ASAP1: variants seen among roughly 807,000 people sequenced by gnomAD.
ASAP1 encodes arf-GAP with SH3 domain, ANK repeat and PH domain-containing protein 1.
In ASAP1, 43 loss-of-function variants were observed where a neutral mutation model predicts 145.2. That is an observed-to-expected ratio of 0.30 (90% CI 0.23 to 0.38). The LOEUF is 0.38. Ranked by LOEUF, ASAP1 falls within the 10% of genes least tolerant of loss-of-function variation. The pLI is 1.00. For missense variants in ASAP1, 1,018 were observed against 1,355.3 expected, an observed-to-expected ratio of 0.75 and a Z score of 3.91; for synonymous variants, 546 against 515.5, an observed-to-expected ratio of 1.06 and a Z score of -0.80.
intron 3 of ASAP1, among the ~76,000 whole-genome samples, chr8:130,263,028 A>G (rs1820033515): frequency 6.6e-6 from 1 of 152,262 alleles, no homozygotes; most frequent in African/African-American, 2.4e-5. Context: ...GGAAACAGAA[A>G]AAGATCCATC....
At chr8:130,409,154 T>C (rs11778593) in intron 1 of ASAP1, among the ~76,000 whole-genome samples, 5,206 of 151,996 alleles carry the variant, frequency 0.034, 123 homozygotes, top group Middle Eastern at 0.075. Context: ...CCCAGCTACT[T>C]GGGAGGCTGG....
At chr8:130,435,553 T>C (rs957403020) in intron 1 of ASAP1, among the ~76,000 whole-genome samples, 4 of 152,206 alleles carry the variant, frequency 2.6e-5, no homozygotes, top group African/African-American at 9.7e-5. Context: ...CAGTTCTTTC[T>C]CCAAAAAGGC....
At chr8:130,231,677 G>A (rs1817916259) in intron 4 of ASAP1, among the ~76,000 whole-genome samples, 1 of 152,208 alleles carries the variant, frequency 6.6e-6, no homozygotes, top group Admixed American at 6.5e-5. Flanking sequence ...GTGTGAGAAT[G>A]TATCTGCTCA....
chr8:130,076,864 G>C (rs554246955), intron 26 of ASAP1, among the ~76,000 whole-genome samples: 28 of 152,164 alleles, frequency 1.8e-4, no homozygotes, highest in South Asian at 4.2e-4. Flanking sequence ...CCATATTTCA[G>C]TTTGCCTGGC....
chr8:130,427,322 C>T (rs770097782), intron 1 of ASAP1, among the ~76,000 whole-genome samples: 35 of 152,196 alleles, frequency 2.3e-4, no homozygotes, highest in Non-Finnish European at 4.3e-4. Context: ...GGACTCAGCT[C>T]CTCTTGATAT....
At chr8:130,390,243 A>G (rs560285161) in intron 2 of ASAP1, among the ~76,000 whole-genome samples, 64 of 152,350 alleles carry the variant, frequency 4.2e-4, no homozygotes, top group African/African-American at 1.4e-3. Context: ...CTAAAATTAT[A>G]TGAACTTTAT....
At chr8:130,325,566 T>C (rs1824272190) in intron 3 of ASAP1, among the ~76,000 whole-genome samples, 1 of 152,260 alleles carries the variant, frequency 6.6e-6, no homozygotes, top group Non-Finnish European at 1.5e-5. Flanking sequence ...GATCAGCTAT[T>C]GTGCTGAGGA....
intron 9 of ASAP1, among the ~76,000 whole-genome samples, chr8:130,171,520 A>G (rs1251879792): frequency 2.6e-5 from 4 of 152,138 alleles, no homozygotes; most frequent in Non-Finnish European, 5.9e-5. Flanking sequence ...AGAGAACAGC[A>G]TGGGGGAAAC....
intron 18 of ASAP1, among the ~76,000 whole-genome samples, chr8:130,121,628 C>G (rs924058125): frequency 6.6e-6 from 1 of 151,506 alleles, no homozygotes; most frequent in African/African-American, 2.4e-5. Context: ...ACTAAAAATA[C>G]AAAAAACTAG....
intron 3 of ASAP1, among the ~76,000 whole-genome samples, chr8:130,286,012 T>C (rs1173059770): frequency 6.6e-6 from 1 of 152,248 alleles, no homozygotes; most frequent in Non-Finnish European, 1.5e-5. Flanking sequence ...TTTTAGCCAC[T>C]TACTGAAAAC....
intron 1 of ASAP1, among the ~76,000 whole-genome samples, chr8:130,438,465 T>C (rs536092471): frequency 5.9e-5 from 9 of 152,250 alleles, no homozygotes; most frequent in African/African-American, 2.2e-4. Flanking sequence ...AACAAGGTTT[T>C]AGCCATACAA....
intron 24 of ASAP1, among the ~76,000 whole-genome samples, chr8:130,094,554 CTTCATT>C (rs1398020608): frequency 6.6e-6 from 1 of 152,066 alleles, no homozygotes; most frequent in African/African-American, 2.4e-5. Context: ...AGTTGTACCT[CTTCATT>C]TTCATACTAA....
chr8:130,426,220 C>T (rs1250029601), intron 1 of ASAP1, among the ~76,000 whole-genome samples: 1 of 152,126 alleles, frequency 6.6e-6, no homozygotes, highest in African/African-American at 2.4e-5. Context: ...CTTTCTCCTG[C>T]TCCGCCATGT....
chr8:130,179,457 C>T (rs1814196578), intron 8 of ASAP1, 108 bp from the exon 9 acceptor site: 3 of 672,922 alleles, frequency 4.5e-6, no homozygotes, highest in Middle Eastern at 2.5e-4. Flanking sequence ...GTTACCAAGC[C>T]TTGGTGTCCT....
chr8:130,118,854 A>G (rs2097560745), intron 18 of ASAP1, 179 bp from the exon 19 acceptor site: 2 of 397,238 alleles, frequency 5.0e-6, no homozygotes, highest in South Asian at 7.1e-5. Context: ...AGAAAATAAT[A>G]TATGTTTACT....
At chr8:130,149,730 G>C (rs2097641673) in intron 13 of ASAP1, among the ~76,000 whole-genome samples, 1 of 152,160 alleles carries the variant, frequency 6.6e-6, no homozygotes, top group African/African-American at 2.4e-5. Context: ...GAAAACTGCT[G>C]GCCTTGATTT....
chr8:130,168,635 C>G (rs2097685094), intron 10 of ASAP1, among the ~76,000 whole-genome samples: 1 of 152,120 alleles, frequency 6.6e-6, no homozygotes, highest in South Asian at 2.1e-4. Context: ...CCAAAAAACT[C>G]TATAAACCTG....
chr8:130,436,287 T>C (rs1407517529), intron 1 of ASAP1, among the ~76,000 whole-genome samples: 1 of 152,206 alleles, frequency 6.6e-6, no homozygotes, highest in African/African-American at 2.4e-5. Flanking sequence ...GGAGGTCCGC[T>C]TGAAACTAGG....
At chr8:130,413,012 C>T (rs1829331481) in intron 1 of ASAP1, among the ~76,000 whole-genome samples, 1 of 152,208 alleles carries the variant, frequency 6.6e-6, no homozygotes, top group Non-Finnish European at 1.5e-5. Context: ...ACTAACTACA[C>T]AAGCAATAAC....
Sources: gnomAD v4.1 joint callset for allele counts (sites outside exome capture counted in the v4.1 genomes callset) on GRCh38, gnomAD v4.1.1 for gene constraint, MANE v1.5 for transcripts, NCBI Gene and HGNC (gene_info 2026-07-23, HGNC 2026-07-21) for gene names.